The following BMERB1 variants were observed in gnomAD, a reference collection of about 807,000 sequenced individuals.
The protein encoded by BMERB1 is bMERB domain containing 1.
Under a neutral mutation model 23.6 loss-of-function variants are expected in BMERB1, and 12 were observed. The ratio of observed to expected loss-of-function variants is 0.51; its 90% CI spans 0.33 to 0.82. The LOEUF is 0.82. Ranked by LOEUF, BMERB1 falls within the 40% of genes least tolerant of loss-of-function variation. The pLI is 0.03. For missense variants in BMERB1, 247 were observed against 255.4 expected (o/e 0.97, Z 0.22); for synonymous variants, 122 against 96.6 (o/e 1.26, Z -1.54).
At chr16:15,552,100 C>T (rs570649960) in intron 2 of BMERB1, among the ~76,000 whole-genome samples, 10 of 152,168 alleles carry the variant, frequency 6.6e-5, no homozygotes, top group African/African-American at 2.4e-4. Flanking sequence ...AAGGGAAGGA[C>T]TATGTGTCTC....
At chr16:15,540,256 G>A (rs1005877782) in intron 2 of BMERB1, among the ~76,000 whole-genome samples, 1 of 151,922 alleles carries the variant, frequency 6.6e-6, no homozygotes, top group African/African-American at 2.4e-5. Flanking sequence ...GACAATAAAA[G>A]AGAACACGCC....
intron 1 of BMERB1, among the ~76,000 whole-genome samples, chr16:15,435,168 A>AG (rs1359045896): frequency 7.9e-5 from 12 of 152,026 alleles, no homozygotes; most frequent in Non-Finnish European, 1.3e-4. Context: ...GTCCCTGGAG[A>AG]GGGGGGAGTG....
intron 2 of BMERB1, among the ~76,000 whole-genome samples, chr16:15,522,132 C>T (rs1252542929): frequency 6.6e-6 from 1 of 152,158 alleles, no homozygotes; most frequent in African/African-American, 2.4e-5. Flanking sequence ...GGTTATCTTC[C>T]TTTTACACCC....
chr16:15,587,641 C>T lies in BMERB1; in HGVS notation c.*812C>T. The T allele has an allele frequency of 2.8e-6, 1 of 352,796 alleles. No individual in the cohort carries two copies. The highest frequency in any genetic ancestry group is 6.0e-6 in the Non-Finnish European group (1 of 165,332). The allele number at this position is 352,796 out of a possible 1,614,324, so 21.9% of individuals were successfully genotyped here. On this transcript the variant is annotated 3_prime_UTR_variant, in exon 6 of 6. Transcript: ENST00000300006. ...GTAGATGCTGACCTGGGCACTCCAC[C>T]ATTCCGGGGCCACCACAGAGATGCC...
chr16:15,444,474 A>G (rs2050973194), intron 1 of BMERB1, among the ~76,000 whole-genome samples: 1 of 152,088 alleles, frequency 6.6e-6, no homozygotes, highest in African/African-American at 2.4e-5. Flanking sequence ...CCTAAGCCTC[A>G]GTTTCCTCAT....
chr16:15,522,886 C>G (rs1019389771), intron 2 of BMERB1, among the ~76,000 whole-genome samples: 16 of 152,148 alleles, frequency 1.1e-4, no homozygotes, highest in African/African-American at 3.9e-4. Context: ...TTTAGTTTTG[C>G]TATCTATAGG....
At chr16:15,492,291 C>A (rs2051428316) in intron 1 of BMERB1, among the ~76,000 whole-genome samples, 1 of 152,234 alleles carries the variant, frequency 6.6e-6, no homozygotes, top group Non-Finnish European at 1.5e-5. Context: ...CGCTGCACTG[C>A]TGGGCAGTCG....
rs553316460 is a variant in BMERB1 at position 15,578,870 on chromosome 16, C to T, written c.305-2347C>T. ...GAGGTTAGGATTTCAGTGGGTGGCA[C>T]CTGTAGGCAAGTGGAAGATGATGGG... is the stretch of plus-strand genomic sequence containing the variant. On this transcript the variant is annotated intron_variant, in intron 3 of 5. Transcript: ENST00000300006. 2.0e-5 allele frequency among the ~76,000 whole-genome samples: 3 copies of T among 152,238 alleles called. No homozygotes were observed. The South Asian group carries it at 6.2e-4, about 32-fold the overall frequency.
intron 1 of BMERB1, among the ~76,000 whole-genome samples, chr16:15,490,828 T>G (rs1279483730): frequency 2.6e-5 from 4 of 152,310 alleles, no homozygotes; most frequent in Middle Eastern, 3.4e-3. Flanking sequence ...TTATTGATTT[T>G]TATTCTTATT....
chr16:15,526,661 C>T (rs1003977076), intron 2 of BMERB1, among the ~76,000 whole-genome samples: 3 of 104,794 alleles, frequency 2.9e-5, no homozygotes, highest in African/African-American at 1.5e-4. Context: ...GAGACTGCAT[C>T]TCAAAAAAAA....
intron 3 of BMERB1, among the ~76,000 whole-genome samples, chr16:15,575,544 A>G (rs187762885): frequency 9.8e-5 from 15 of 152,324 alleles, no homozygotes; most frequent in Admixed American, 9.8e-4. Flanking sequence ...GAAGGTGTCC[A>G]GGTTCTTGGT....
At chr16:15,576,500 A>G (rs542477306) in intron 3 of BMERB1, among the ~76,000 whole-genome samples, 43 of 152,268 alleles carry the variant, frequency 2.8e-4, no homozygotes, top group African/African-American at 9.6e-4. Flanking sequence ...GTAAGCACAA[A>G]ACAAACAATT....
chr16:15,488,902 C>CAA (rs769821665), intron 1 of BMERB1, among the ~76,000 whole-genome samples: 2,728 of 57,606 alleles, frequency 0.047, 49 homozygotes, highest in Non-Finnish European at 0.071. Context: ...ACTGCATATG[C>CAA]AAAAAAAAAA....
At chr16:15,545,756 C>T (rs2052127827) in intron 2 of BMERB1, among the ~76,000 whole-genome samples, 3 of 152,160 alleles carry the variant, frequency 2.0e-5, no homozygotes. Flanking sequence ...TTGGCTGAGT[C>T]TGAGGAAGTG....
In BMERB1 at chr16:15,575,463, T is replaced by C. The variant is rs576564333; in HGVS notation, c.305-5754T>C. ...AATTTCCTTTGAGGGAACTCAAGAT[T>C]TTCCTTTATTTCCATGCTTGGGGTG... On this transcript the variant is annotated intron_variant, in intron 3 of 5. Transcript: ENST00000300006. Among the ~76,000 whole-genome samples the C allele has an allele frequency of 2.6e-5, 4 of 152,340 alleles. No individual in the cohort carries two copies. In the East Asian group the frequency reaches 7.7e-4, roughly 29 times the overall value.
At chr16:15,477,788 A>G (rs1486597693) in intron 1 of BMERB1, among the ~76,000 whole-genome samples, 1 of 151,146 alleles carries the variant, frequency 6.6e-6, no homozygotes, top group Non-Finnish European at 1.5e-5. Context: ...GTTGGGGTAT[A>G]TGGAAGACAA....
intron 1 of BMERB1, among the ~76,000 whole-genome samples, chr16:15,471,815 C>T (rs1045510078): frequency 6.6e-6 from 1 of 151,992 alleles, no homozygotes; most frequent in African/African-American, 2.4e-5. Flanking sequence ...TGGACTCAAG[C>T]AATTCTCCCA....
intron 1 of BMERB1, among the ~76,000 whole-genome samples, chr16:15,444,123 G>GTTTTTTGT (rs2050966601): frequency 2.8e-5 from 1 of 35,610 alleles, no homozygotes; most frequent in Admixed American, 4.9e-4. Flanking sequence ...CACCAGCTTT[G>GTTTTTTGT]TTTTTTTTTT....
intron 3 of BMERB1, among the ~76,000 whole-genome samples, chr16:15,578,390 A>G (rs1475961458): frequency 6.6e-6 from 1 of 152,068 alleles, no homozygotes; most frequent in Non-Finnish European, 1.5e-5. Flanking sequence ...TAAGGACACA[A>G]GTCATTGGGT....
Sources: allele counts gnomAD v4.1 joint callset (sites outside exome capture counted in the v4.1 genomes callset), GRCh38; gene constraint gnomAD v4.1.1; transcripts MANE v1.5; gene names NCBI Gene and HGNC (gene_info 2026-07-23, HGNC 2026-07-21).